The following NCOR2 variants were observed in gnomAD, a reference collection of about 807,000 sequenced individuals.
NCOR2 encodes the protein nuclear receptor corepressor 2.
In NCOR2, 81 loss-of-function variants were observed where a neutral mutation model predicts 262.9. The observed-to-expected ratio is 0.31, with a 90% CI of 0.26 to 0.37. The LOEUF (loss-of-function observed/expected upper bound fraction) is 0.37. Ranked by LOEUF, NCOR2 falls within the 10% of genes least tolerant of loss-of-function variation. The pLI is 1.00. For synonymous variants in NCOR2, 1,659 were observed against 1,559.3 expected (o/e 1.06, Z -1.51); for missense variants, 3,385 against 3,621.4 (o/e 0.93, Z 1.68).
At position 124,483,773 on chromosome 12, in the gene NCOR2, C is replaced by T; in HGVS notation, c.234G>A (p.Arg78=). 1 of 1,596,574 alleles carries T rather than the reference C, an allele frequency of 6.3e-7. No individual in the cohort carries two copies. The highest frequency in any genetic ancestry group is 8.5e-7 in the Non-Finnish European group (1 of 1,171,200). ...CTGGCCGCAGGTGGAGCTCCTGGGA[C>T]CTGCAGGAGGTGAGGCATCCAACGT... is the stretch of plus-strand genomic sequence containing the variant. Residue 78 remains arginine (R), a splice_region_variant and synonymous_variant, in exon 3 of 47, where the codon CGG becomes CGA. Coordinates refer to ENST00000405201, the Ensembl canonical transcript of NCOR2. This position sits in a 1 kb window ranked among gnomAD's most constrained non-coding sequence, Gnocchi z 6.3.
chr12:124,530,701 C>T (rs919804320), intron 1 of NCOR2, among the ~76,000 whole-genome samples: 3 of 152,186 alleles, frequency 2.0e-5, no homozygotes, highest in Admixed American at 1.3e-4. Flanking sequence ...TAGGGCAAAT[C>T]GCTTTGCCTC....
At chr12:124,326,035 G>T in intron 46 of NCOR2, 156 bp downstream of exon 48, 1 of 804,268 alleles carries the variant, frequency 1.2e-6, no homozygotes, top group Non-Finnish European at 1.8e-6. Flanking sequence ...CGTGAGCCAG[G>T]CTCAGCTGCC....
intron 10 of NCOR2, among the ~76,000 whole-genome samples, chr12:124,429,127 C>T (rs530597474): frequency 5.8e-4 from 88 of 152,352 alleles, no homozygotes; most frequent in Non-Finnish European, 1.1e-3. Context: ...GCGAGAAGGT[C>T]GTGGCTGCGT....
chr12:124,393,862 G>A (rs986053806), intron 16 of NCOR2, among the ~76,000 whole-genome samples: 4 of 152,274 alleles, frequency 2.6e-5, no homozygotes, highest in East Asian at 1.9e-4. Flanking sequence ...TGCCCAGCAC[G>A]CAGGATGGGC....
At chr12:124,410,688 C>G (rs186867549) in intron 13 of NCOR2, among the ~76,000 whole-genome samples, 2 of 152,176 alleles carry the variant, frequency 1.3e-5, no homozygotes, top group Admixed American at 1.3e-4. Context: ...GCCCTGCCAC[C>G]GGTCCCCACC....
chr12:124,392,614 G>A (rs2041388568), intron 16 of NCOR2, among the ~76,000 whole-genome samples: 1 of 152,212 alleles, frequency 6.6e-6, no homozygotes, highest in Non-Finnish European at 1.5e-5. Flanking sequence ...CCACCCCACT[G>A]TAAGCTCTGG....
chr12:124,375,810 A>T (rs1231751455), intron 18 of NCOR2, among the ~76,000 whole-genome samples: 1 of 152,180 alleles, frequency 6.6e-6, no homozygotes, highest in East Asian at 1.9e-4. Context: ...CCACTGGGCC[A>T]GGGTATCACT....
intron 32 of NCOR2, 127 bp downstream of exon 34, chr12:124,344,470 G>C: frequency 1.1e-6 from 1 of 905,692 alleles, no homozygotes; most frequent in Non-Finnish European, 1.6e-6. Flanking sequence ...CCTGCAGGTG[G>C]TTTGGATGTG....
intron 38 of NCOR2, 91 bp from the exon 41 acceptor site, chr12:124,335,723 CGG>C: frequency 6.9e-7 from 1 of 1,439,470 alleles, no homozygotes; most frequent in Non-Finnish European, 9.2e-7. Context: ...GCTGGGACCC[CGG>C]GGGGGTCAAG....
In NCOR2 at chr12:124,503,237, G is replaced by C; in HGVS notation, c.-117-7869C>G. ...CACAGCTACAGCAGTGACCAAGTCA[G>C]ACAAAAGGCAAAAGGCCCTGCTGAC... On this transcript the variant is annotated intron_variant, in intron 1 of 46. Transcript: ENST00000404621. This position sits in a 1 kb window ranked among gnomAD's most constrained non-coding sequence, Gnocchi z 4.3. Among the ~76,000 whole-genome samples, 1 of 152,268 alleles carries C rather than the reference G, an allele frequency of 6.6e-6. No homozygotes were observed. The highest frequency in any genetic ancestry group is 1.5e-5 in the Non-Finnish European group (1 of 68,054).
chr12:124,520,778 C>T (rs1166217595), intron 1 of NCOR2, among the ~76,000 whole-genome samples: 1 of 152,200 alleles, frequency 6.6e-6, no homozygotes, highest in Non-Finnish European at 1.5e-5. Flanking sequence ...AAGCCTTCGA[C>T]GGCGACCACC....
At chr12:124,381,971 G>A (rs1236001454) in intron 17 of NCOR2, among the ~76,000 whole-genome samples, 3 of 152,200 alleles carry the variant, frequency 2.0e-5, no homozygotes, top group South Asian at 2.1e-4. Flanking sequence ...CGTCGCCTGC[G>A]GCCACACTCG....
At chr12:124,468,861 C>A (rs1481555789) in intron 4 of NCOR2, among the ~76,000 whole-genome samples, 1 of 47,250 alleles carries the variant, frequency 2.1e-5, no homozygotes, top group Non-Finnish European at 4.7e-5. Context: ...TCCTCATCAC[C>A]CCATCATCCT....
intron 1 of NCOR2, among the ~76,000 whole-genome samples, chr12:124,553,401 T>C (rs929639512): frequency 1.9e-4 from 29 of 152,206 alleles, no homozygotes; most frequent in African/African-American, 6.0e-4. Context: ...ATTACTCAGC[T>C]TAACACAGGC....
intron 13 of NCOR2, among the ~76,000 whole-genome samples, chr12:124,408,525 T>C (rs2042397072): frequency 6.6e-6 from 1 of 151,918 alleles, no homozygotes. Flanking sequence ...GGCAGGAGGA[T>C]TGTCTAGGGC....
At chr12:124,448,279 C>T (rs1268965165) in intron 7 of NCOR2, among the ~76,000 whole-genome samples, 1 of 152,212 alleles carries the variant, frequency 6.6e-6, no homozygotes, top group African/African-American at 2.4e-5. Flanking sequence ...CTGTGGCTTC[C>T]CACCCCAGAC....
intron 14 of NCOR2, 37 bp downstream of exon 16, chr12:124,402,367 G>A: frequency 6.2e-7 from 1 of 1,610,450 alleles, no homozygotes; most frequent in East Asian, 2.2e-5. Context: ...GGTTGGGTCA[G>A]CGGCCGGGCC....
chr12:124,464,438 A>T (rs1175647596), intron 5 of NCOR2, among the ~76,000 whole-genome samples: 1 of 152,176 alleles, frequency 6.6e-6, no homozygotes, highest in Non-Finnish European at 1.5e-5. Context: ...GAGCCATCTC[A>T]ATCTTGGCTC....
chr12:124,435,749 A>AT (rs2044299791), intron 8 of NCOR2, among the ~76,000 whole-genome samples: 1 of 151,932 alleles, frequency 6.6e-6, no homozygotes. Context: ...CCACACCACC[A>AT]TACCCCACAC....
Sources: gnomAD v4.1 joint callset for allele counts (sites outside exome capture counted in the v4.1 genomes callset) on GRCh38, gnomAD v4.1.1 for gene constraint, Gnocchi (gnomAD v3.1) non-coding constraint, MANE v1.5 for transcripts, NCBI Gene and HGNC (gene_info 2026-07-23, HGNC 2026-07-21) for gene names.